EML6: variants seen among roughly 807,000 people sequenced by gnomAD.
EML6 encodes echinoderm microtubule-associated protein-like 6.
EML6 carries 154 observed loss-of-function variants against 240.1 expected under a neutral mutation model. The observed-to-expected ratio is 0.64, with a 90% CI of 0.56 to 0.73. EML6 has a LOEUF of 0.73. Among genes scored for constraint, EML6 ranks in the 30% least tolerant of loss-of-function variants. EML6 has a pLI of 0.00. For missense variants in EML6, 2,964 were observed against 2,474.6 expected, an observed-to-expected ratio of 1.20 and a Z score of -4.20; for synonymous variants, 1,148 against 899.0, an observed-to-expected ratio of 1.28 and a Z score of -4.95.
chr2:54,842,987 G>A (rs79071056), intron 7 of EML6, among the ~76,000 whole-genome samples: 7,751 of 152,186 alleles, frequency 0.051, 669 homozygotes, highest in African/African-American at 0.18. Flanking sequence ...TGTTTATTCC[G>A]TAGGATATAT....
intron 21 of EML6, among the ~76,000 whole-genome samples, chr2:54,898,395 A>C (rs549142384): frequency 6.6e-5 from 10 of 152,274 alleles, no homozygotes; most frequent in African/African-American, 2.2e-4. Context: ...CTTCAAGCAG[A>C]GTCAGTCTGG....
At chr2:54,833,183 G>A (rs980302286) in intron 7 of EML6, among the ~76,000 whole-genome samples, 1 of 152,196 alleles carries the variant, frequency 6.6e-6, no homozygotes, top group African/African-American at 2.4e-5. Flanking sequence ...CTGCTTACTA[G>A]TGTTTAGGAA....
In EML6 at chr2:54,903,178, G is replaced by C; in HGVS notation, c.3259G>C (p.Asp1087His). ...SFHHRKEMIS[D>H]IKFSKDTGKY... ...CCATCACAGAAAAGAAATGATCTCT[G>C]ATATTAAGTTTTCAAAAGGTGAAGA... The change falls in exon 23 of 42, where the codon GAT becomes CAT. Residue 1087 changes from aspartate to histidine, a missense_variant. Physicochemically the swap from Asp to His is moderately conservative, Grantham distance 81. Transcript: ENST00000356458. 6.4e-7 allele frequency: 1 copy of C among 1,551,920 alleles called. No homozygotes were observed. Among genetic ancestry groups the C allele is most frequent in the Non-Finnish European group, 8.7e-7 (1 of 1,146,998 alleles).
intron 28 of EML6, among the ~76,000 whole-genome samples, chr2:54,944,500 C>A (rs940745606): frequency 6.6e-6 from 1 of 152,212 alleles, no homozygotes; most frequent in African/African-American, 2.4e-5. Flanking sequence ...TCTCTTGGAT[C>A]ATCACAGTGG....
Position 54,891,078 on chromosome 2 carries a change from G to T in EML6, c.2463G>T (p.Val821=). ...TTRGHKDKIF[V]VKCNPHHVDK... The stretch of plus-strand genomic sequence containing the variant: ...GAGGACATAAAGATAAGATATTTGT[G>T]GTAAAGTGTAACCCACACCATGTTG... The change falls in exon 18 of 42, where the codon GTG becomes GTT. Residue 821 remains valine (V), a synonymous_variant. Transcript: ENST00000356458. The T allele has an allele frequency of 6.7e-7, 1 of 1,491,394 alleles. No homozygotes were observed. 92.4% of individuals were successfully genotyped at this position (1,491,394 alleles called of 1,614,324 possible).
Position 54,971,963 on chromosome 2 carries a change from AAAGTAT to A in EML6, c.*1871_*1876del, listed in dbSNP as rs2104575711. The stretch of plus-strand genomic sequence containing the variant: ...AACATTGGTGCATGAATTTATTTTC[AAAGTAT>A]AAAACACATCACTTAAACATTTTAT... On this transcript the variant is annotated 3_prime_UTR_variant, in exon 42 of 42. Coordinates refer to ENST00000356458, the MANE Select transcript of EML6 (RefSeq NM_001039753.4). 1 of 152,346 alleles carries A rather than the reference AAAGTAT, an allele frequency of 6.6e-6. No individual in the cohort carries two copies. Among genetic ancestry groups the A allele is most frequent in the African/African-American group, 2.4e-5 (1 of 41,578 alleles). 9.4% of individuals were successfully genotyped at this position (152,346 alleles called of 1,614,324 possible). A position where few individuals can be genotyped will look rare whatever the true frequency, so the allele number is the denominator to read the frequency against.
chr2:54,760,115 G>A (rs904317852), intron 2 of EML6, among the ~76,000 whole-genome samples: 1 of 150,850 alleles, frequency 6.6e-6, no homozygotes, highest in East Asian at 1.9e-4. Context: ...ATTGATCTTG[G>A]TCTTAGATTT....
At chr2:54,962,337 C>A (rs1280897523) in intron 35 of EML6, among the ~76,000 whole-genome samples, 186 bp from the exon 36 acceptor site, 4 of 152,086 alleles carry the variant, frequency 2.6e-5, no homozygotes, top group African/African-American at 9.7e-5. Flanking sequence ...CACCACCATC[C>A]ACAGAACTTT....
intron 2 of EML6, among the ~76,000 whole-genome samples, chr2:54,728,450 C>T (rs371843267): frequency 1.3e-5 from 2 of 152,160 alleles, no homozygotes; most frequent in East Asian, 3.8e-4. Flanking sequence ...TTTCCGGCTC[C>T]CATTTGCAAA....
intron 10 of EML6, 69 bp from the exon 11 acceptor site, chr2:54,853,571 TCAG>T: frequency 2.0e-6 from 2 of 994,850 alleles, no homozygotes; most frequent in African/African-American, 3.3e-5. Context: ...TCTTAAAGTT[TCAG>T]ATCTTTATAA....
intron 16 of EML6, among the ~76,000 whole-genome samples, chr2:54,875,027 T>C (rs1375842958): frequency 6.6e-6 from 1 of 152,160 alleles, no homozygotes; most frequent in Non-Finnish European, 1.5e-5. Flanking sequence ...CCTTTGCCGA[T>C]GCTAGTGTGT....
chr2:54,731,010 G>A (rs1306991812), intron 2 of EML6, among the ~76,000 whole-genome samples: 2 of 152,174 alleles, frequency 1.3e-5, no homozygotes, highest in Non-Finnish European at 2.9e-5. Flanking sequence ...TGGGTTGAAT[G>A]GGGGTATGGA....
chr2:54,954,185 C>G, intron 32 of EML6, 29 bp downstream of exon 32: 2 of 1,541,106 alleles, frequency 1.3e-6, no homozygotes, highest in South Asian at 1.2e-5. Flanking sequence ...TTCTGTCCCT[C>G]CAGGGTGTCT....
chr2:54,939,397 AG>A (rs1362867816), intron 28 of EML6, among the ~76,000 whole-genome samples: 6 of 152,136 alleles, frequency 3.9e-5, no homozygotes, highest in Non-Finnish European at 7.4e-5. Context: ...GATGTTTAGG[AG>A]GGGTCTAGAG....
intron 2 of EML6, among the ~76,000 whole-genome samples, chr2:54,789,615 C>T (rs373146773): frequency 1.3e-5 from 2 of 150,340 alleles, no homozygotes; most frequent in Non-Finnish European, 3.0e-5. Flanking sequence ...TGTTGTCTTC[C>T]GTACTTGTAT....
At chr2:54,956,238 TTTGTTTG>T (rs1676227645) in intron 32 of EML6, among the ~76,000 whole-genome samples, 1 of 1,378 alleles carries the variant, frequency 7.3e-4, no homozygotes, top group East Asian at 0.028. Context: ...CAACTCATTG[TTTGTTTG>T]CACTTCTCCC....
chr2:54,866,834 C>T lies in EML6; in HGVS notation c.2001C>T (p.Leu667=), dbSNP rs773211109. The change falls in exon 14 of 42, where the codon CTC becomes CTT. Residue 667 remains leucine (L), a synonymous_variant. Coordinates refer to ENST00000356458, the MANE Select transcript of EML6 (RefSeq NM_001039753.4). ...AGAAAAACCACGCAGTGCCCTTCCT[C>T]AAACGAGAAAAGGCTCCTGAGGACA... ...SKEKNHAVPF[L]KREKAPEDSL... is the part of the protein sequence containing the mutation. The T allele has an allele frequency of 2.6e-6, 4 of 1,551,176 alleles. No individual in the cohort carries two copies. The South Asian group carries it at 3.6e-5, about 14-fold the overall frequency.
rs1203482433 is a variant in EML6 at position 54,827,594 on chromosome 2, C to T, written c.554C>T (p.Thr185Ile). 1 of 1,551,548 alleles carries T rather than the reference C, an allele frequency of 6.4e-7. No individual in the cohort carries two copies. The highest frequency in any genetic ancestry group is 8.7e-7 in the Non-Finnish European group (1 of 1,146,976). Reference protein sequence around the residue: ...KFWTLCGNALTAKRGIFGKTG... With the variant: ...KFWTLCGNALIAKRGIFGKTG... The stretch of plus-strand genomic sequence containing the variant: ...TGGACACTGTGTGGAAATGCCCTGA[C>T]TGCAAAAAGAGGGATATTTGGCAAA... Residue 185 changes from threonine (T) to isoleucine (I), a missense_variant, in exon 6 of 42, where the codon ACT becomes ATT. Transcript: ENST00000356458.
chr2:54,778,824 G>A (rs1280232320), intron 2 of EML6, among the ~76,000 whole-genome samples: 1 of 147,998 alleles, frequency 6.8e-6, no homozygotes, highest in Non-Finnish European at 1.5e-5. Context: ...CCTGGGCGGT[G>A]GAGGTTGCAG....
Sources: allele counts gnomAD v4.1 joint callset (sites outside exome capture counted in the v4.1 genomes callset), GRCh38; gene constraint gnomAD v4.1.1; transcripts MANE v1.5; gene names NCBI Gene and HGNC (gene_info 2026-07-23, HGNC 2026-07-21).